UTRN: variants seen among roughly 807,000 people sequenced by gnomAD.
The protein encoded by UTRN is utrophin.
Under a neutral mutation model 463.9 loss-of-function variants are expected in UTRN, and 283 were observed. The observed-to-expected ratio is 0.61, with a 90% CI of 0.55 to 0.67. The LOEUF is 0.67. Ranked by LOEUF, UTRN falls within the 30% of genes least tolerant of loss-of-function variation. The probability of loss-of-function intolerance (pLI) is 0.00; values close to 1 mark genes in which losing one functional copy is unlikely to be tolerated. For missense variants in UTRN, 3,922 were observed against 4,084.3 expected (o/e 0.96, Z 1.08); for synonymous variants, 1,442 against 1,431.5 (o/e 1.01, Z -0.17).
chr6:144,305,849 A>G (rs1253098590), intron 2 of UTRN, among the ~76,000 whole-genome samples: 3 of 152,264 alleles, frequency 2.0e-5, no homozygotes, highest in Non-Finnish European at 4.4e-5. Flanking sequence ...ATGAGCCCTC[A>G]GCTGCTGGGG....
chr6:144,654,342 AGCTGATCGC>A (rs1779120121), intron 51 of UTRN, among the ~76,000 whole-genome samples: 1 of 152,194 alleles, frequency 6.6e-6, no homozygotes, highest in Non-Finnish European at 1.5e-5. Context: ...ACAAAAGTAT[AGCTGATCGC>A]GTGGGGTTAG....
At position 144,428,865 on chromosome 6, in the gene UTRN, G is replaced by A; in HGVS notation, c.666G>A (p.Leu222=). ...EHAFSKAQTY[L]GIEKLLDPED... The stretch of plus-strand genomic sequence containing the variant: ...CCTTCAGCAAGGCTCAAACTTATTT[G>A]GGAATTGAAAAGCTGTTAGATCCTG... Residue 222 remains leucine (L), a synonymous_variant, in exon 8 of 75, where the codon TTG becomes TTA. Transcript: ENST00000367545. The A allele has an allele frequency of 6.2e-7, 1 of 1,608,446 alleles. No homozygotes were observed. Among genetic ancestry groups the A allele is most frequent in the South Asian group, 1.1e-5 (1 of 89,710 alleles).
rs941674223 is a variant in UTRN, at chr6:144,828,682, C to CT, written c.9600-107dup. 41 of 1,094,982 alleles carry CT rather than the reference C, an allele frequency of 3.7e-5. No individual in the cohort carries two copies. The Admixed American group carries it at 8.1e-4, about 22-fold the overall frequency. The allele number at this position is 1,094,982 out of a possible 1,614,324, so 67.8% of individuals were successfully genotyped here. ...GTCGTGTTAGGAGATTTGGATCTTTCTATGTTTTGTCAGAATTTTGACAAT... is the reference window on the plus strand; with the variant it reads ...GTCGTGTTAGGAGATTTGGATCTTTCTTATGTTTTGTCAGAATTTTGACAAT... On this transcript the variant is annotated intron_variant, in intron 68 of 74. Coordinates refer to ENST00000367545, the MANE Select transcript of UTRN (RefSeq NM_007124.3).
At chr6:144,511,471 C>G (rs1795163137) in intron 35 of UTRN, among the ~76,000 whole-genome samples, 1 of 152,116 alleles carries the variant, frequency 6.6e-6, no homozygotes, top group Non-Finnish European at 1.5e-5. Flanking sequence ...TGAATAATGG[C>G]ATACTGGTTA....
intron 51 of UTRN, among the ~76,000 whole-genome samples, chr6:144,586,733 G>A (rs1802502099): frequency 6.6e-6 from 1 of 151,686 alleles, no homozygotes; most frequent in African/African-American, 2.4e-5. Context: ...AGCAATTGAG[G>A]GCATGGTAAA....
At chr6:144,566,689 G>A (rs745836366) in intron 50 of UTRN, among the ~76,000 whole-genome samples, 1 of 152,182 alleles carries the variant, frequency 6.6e-6, no homozygotes, top group Non-Finnish European at 1.5e-5. Context: ...GCTCAGTATA[G>A]GAACAGAGTG....
chr6:144,719,995 A>C (rs552281959), intron 53 of UTRN, among the ~76,000 whole-genome samples: 1 of 152,364 alleles, frequency 6.6e-6, no homozygotes, highest in South Asian at 2.1e-4. Flanking sequence ...TCACACCCAC[A>C]TGTTTGCTTT....
chr6:144,685,091 C>T (rs1782611351), intron 52 of UTRN, among the ~76,000 whole-genome samples: 1 of 152,098 alleles, frequency 6.6e-6, no homozygotes, highest in South Asian at 2.1e-4. Context: ...TTTGCATACC[C>T]ATAGCTTATC....
At chr6:144,331,996 C>T (rs1776367568) in intron 2 of UTRN, among the ~76,000 whole-genome samples, 1 of 152,236 alleles carries the variant, frequency 6.6e-6, no homozygotes, top group Non-Finnish European at 1.5e-5. Flanking sequence ...CCACACTGGT[C>T]AGCTTTCAGC....
rs1420537796 is a variant in UTRN at position 144,542,879 on chromosome 6, T to A, written c.6595+9T>A. 2.5e-6 allele frequency: 4 copies of A among 1,605,134 alleles called. No homozygotes were observed. The highest frequency in any genetic ancestry group is 1.6e-4 in the Middle Eastern group (1 of 6,064). Reference sequence around the variant, plus strand: ...ACAGACAAGGATTGCTGGTAAGATATGTTTATCTTTAACAAAGTTTTTTAA... The same window carrying A: ...ACAGACAAGGATTGCTGGTAAGATAAGTTTATCTTTAACAAAGTTTTTTAA... On this transcript the variant is annotated intron_variant, in intron 46 of 74. Coordinates refer to ENST00000367545, the MANE Select transcript of UTRN (RefSeq NM_007124.3).
chr6:144,292,340 G>A lies in UTRN; in HGVS notation c.79+433G>A, dbSNP rs185941669. 3.9e-3 allele frequency among the ~76,000 whole-genome samples: 589 copies of A among 152,258 alleles called. 5 individuals are homozygous for A. The highest frequency in any genetic ancestry group is 0.012 in the African/African-American group (512 of 41,542). ...CATCCCTGTTCATAGCCATTGATAG[G>A]CCAACAGGTGTCCTACCTTGAAATA... On this transcript the variant is annotated intron_variant, in intron 2 of 74. Transcript: ENST00000367545.
At chr6:144,762,833 C>T (rs996925414) in intron 58 of UTRN, among the ~76,000 whole-genome samples, 2 of 152,210 alleles carry the variant, frequency 1.3e-5, no homozygotes, top group East Asian at 1.9e-4. Context: ...GTTCTCTATA[C>T]ATCCGGCCTG....
chr6:144,442,383 C>T (rs956046490), intron 13 of UTRN, among the ~76,000 whole-genome samples: 13 of 152,102 alleles, frequency 8.5e-5, no homozygotes, highest in South Asian at 4.2e-4. Flanking sequence ...TGCCTGTTAC[C>T]GAGTTCCAAA....
At position 144,521,956 on chromosome 6, in the gene UTRN, T is replaced by TATATATA. The variant is rs11378187; in HGVS notation, c.5542-24_5542-23insATATATA. On this transcript the variant is annotated intron_variant, in intron 39 of 74. Transcript: ENST00000367545. ...TAAGAGATATATATATATATATATA[T>TATATATA]TTTTTTTTTTGCTGTTTTTGTAGGC... 4.8e-5 allele frequency: 49 copies of TATATATA among 1,023,774 alleles called. No individual in the cohort carries two copies. The Admixed American group carries it at 1.3e-3, about 28-fold the overall frequency. The allele number at this position is 1,023,774 out of a possible 1,614,324, so 63.4% of individuals were successfully genotyped here.
chr6:144,567,858 C>T (rs1800544793), intron 50 of UTRN, among the ~76,000 whole-genome samples: 4 of 152,078 alleles, frequency 2.6e-5, no homozygotes, highest in Admixed American at 2.6e-4. Flanking sequence ...AAAAGAGAGA[C>T]ATATCTATTC....
intron 30 of UTRN, 103 bp downstream of exon 30, chr6:144,488,937 A>G (rs1792751812): frequency 6.9e-6 from 8 of 1,160,328 alleles, no homozygotes; most frequent in African/African-American, 3.2e-5. Context: ...CCGAGAGTCA[A>G]TGGGAAAGAT....
intron 2 of UTRN, among the ~76,000 whole-genome samples, chr6:144,390,116 A>C (rs1781777199): frequency 6.6e-6 from 1 of 152,178 alleles, no homozygotes; most frequent in African/African-American, 2.4e-5. Flanking sequence ...TAAATGGTAA[A>C]TATGTGAGGC....
At chr6:144,340,379 G>A (rs376633475) in intron 2 of UTRN, among the ~76,000 whole-genome samples, 8 of 152,186 alleles carry the variant, frequency 5.3e-5, no homozygotes, top group African/African-American at 1.9e-4. Flanking sequence ...AGATAACAGG[G>A]AAGAATGAAG....
intron 2 of UTRN, among the ~76,000 whole-genome samples, chr6:144,331,314 T>G (rs1020740932): frequency 6.6e-6 from 1 of 152,204 alleles, no homozygotes; most frequent in Non-Finnish European, 1.5e-5. Flanking sequence ...AGGACCACTG[T>G]CAGCCTCAGA....
Sources: gnomAD v4.1 joint callset for allele counts (sites outside exome capture counted in the v4.1 genomes callset) on GRCh38, gnomAD v4.1.1 for gene constraint, MANE v1.5 for transcripts, NCBI Gene and HGNC (gene_info 2026-07-23, HGNC 2026-07-21) for gene names.